The following ITCH variants were observed in gnomAD, a reference collection of about 807,000 sequenced individuals.
ITCH encodes the protein itchy E3 ubiquitin protein ligase, also known as E3 ubiquitin-protein ligase Itchy homolog.
Under a neutral mutation model 126.8 loss-of-function variants are expected in ITCH, and 28 were observed. The ratio of observed to expected loss-of-function variants is 0.22; its 90% CI spans 0.16 to 0.30. The LOEUF (loss-of-function observed/expected upper bound fraction) is 0.30. Ranked by LOEUF, ITCH falls within the 10% of genes least tolerant of loss-of-function variation. ITCH has a pLI of 1.00. For synonymous variants in ITCH, 342 were observed against 340.0 expected, an observed-to-expected ratio of 1.01 and a Z score of -0.06; for missense variants, 631 against 1,032.4, an observed-to-expected ratio of 0.61 and a Z score of 5.33.
intron 3 of ITCH, among the ~76,000 whole-genome samples, chr20:34,403,015 T>G (rs2038939824): frequency 6.6e-6 from 1 of 152,214 alleles, no homozygotes; most frequent in African/African-American, 2.4e-5. Flanking sequence ...ACTTATGTTT[T>G]TTTTTTATTC....
intron 2 of ITCH, among the ~76,000 whole-genome samples, chr20:34,384,007 G>T (rs1601768894): frequency 6.6e-6 from 1 of 151,310 alleles, no homozygotes; most frequent in Non-Finnish European, 1.5e-5. Flanking sequence ...ACTGCACCCG[G>T]CTAATTTTGT....
At chr20:34,389,435 TGTGA>T (rs1236569150) in intron 2 of ITCH, among the ~76,000 whole-genome samples, 1 of 152,146 alleles carries the variant, frequency 6.6e-6, no homozygotes, top group Non-Finnish European at 1.5e-5. Flanking sequence ...ATGCTCTCTG[TGTGA>T]GTAACAATGC....
chr20:34,376,260 T>C (rs2037841171), intron 2 of ITCH, among the ~76,000 whole-genome samples: 1 of 151,892 alleles, frequency 6.6e-6, no homozygotes, highest in East Asian at 1.9e-4. Context: ...AAACACTGTC[T>C]CTACAAAAAA....
Position 34,483,590 on chromosome 20 carries a change from A to AC in ITCH, c.2093+2386dup, listed in dbSNP as rs150599540. 7.3e-3 allele frequency among the ~76,000 whole-genome samples: 1,110 copies of AC among 152,316 alleles called. 14 individuals carry two copies. The highest frequency in any genetic ancestry group is 0.025 in the African/African-American group (1,056 of 41,564). On this transcript the variant is annotated intron_variant, in intron 20 of 24. Transcript: ENST00000374864. ...AAGTTTCTCATTTCCATCTGAGAAC[A>AC]CCTCAGCCTGGACTTTATTGTCCAT...
At chr20:34,439,005 C>T (rs753619637) in intron 8 of ITCH, among the ~76,000 whole-genome samples, 7 of 151,970 alleles carry the variant, frequency 4.6e-5, no homozygotes, top group African/African-American at 1.4e-4. Context: ...AGTTAGTAAA[C>T]GAAAACCCAA....
At chr20:34,486,269 T>C (rs3950109) in intron 20 of ITCH, among the ~76,000 whole-genome samples, 152,070 of 152,118 alleles carry the variant, frequency 1, 76,011 homozygotes, top group Middle Eastern at 1. Flanking sequence ...ATACTCCCAC[T>C]TTGGTCTCCC....
chr20:34,374,531 CA>C (rs2037760741), intron 2 of ITCH, among the ~76,000 whole-genome samples: 1 of 152,128 alleles, frequency 6.6e-6, no homozygotes, highest in Non-Finnish European at 1.5e-5. Context: ...TCATTACCAT[CA>C]ACCTTATCTT....
intron 7 of ITCH, among the ~76,000 whole-genome samples, chr20:34,424,931 C>G (rs1198824197): frequency 6.6e-6 from 1 of 152,146 alleles, no homozygotes; most frequent in African/African-American, 2.4e-5. Context: ...AGCTTTGTAC[C>G]AGCTGTTTGC....
chr20:34,461,831 A>G (rs954582213), intron 13 of ITCH, among the ~76,000 whole-genome samples: 1 of 152,208 alleles, frequency 6.6e-6, no homozygotes, highest in African/African-American at 2.4e-5. Flanking sequence ...AACTTGGTTA[A>G]CAAAATGTTT....
intron 2 of ITCH, among the ~76,000 whole-genome samples, chr20:34,385,213 GT>G (rs1378825867): frequency 0.018 from 2,488 of 138,848 alleles, 89 homozygotes; most frequent in African/African-American, 0.058. Context: ...GTGTGTGTGT[GT>G]GTGTGTGGTT....
intron 23 of ITCH, among the ~76,000 whole-genome samples, chr20:34,495,176 A>C (rs918143468): frequency 3.3e-5 from 5 of 150,432 alleles, no homozygotes; most frequent in Admixed American, 1.3e-4. Context: ...GAGGCAGGAG[A>C]ATCACTTGAA....
chr20:34,429,190 C>T (rs966838079), intron 7 of ITCH, among the ~76,000 whole-genome samples: 5 of 152,172 alleles, frequency 3.3e-5, no homozygotes, highest in South Asian at 2.1e-4. Flanking sequence ...CTGCCCACCT[C>T]GGACCTCCCA....
chr20:34,445,169 TA>T, intron 10 of ITCH, 117 bp from the exon 11 acceptor site: 1 of 1,130,838 alleles, frequency 8.8e-7, no homozygotes, highest in Non-Finnish European at 1.3e-6. Context: ...ACAAACTATT[TA>T]AAAATACATA....
intron 7 of ITCH, among the ~76,000 whole-genome samples, chr20:34,437,063 A>G (rs1233003641): frequency 6.6e-6 from 1 of 151,808 alleles, no homozygotes; most frequent in Non-Finnish European, 1.5e-5. Flanking sequence ...TGGTAGGTGA[A>G]GGTTGCAGTG....
chr20:34,462,659 C>T (rs948976000), intron 14 of ITCH, among the ~76,000 whole-genome samples: 4 of 152,248 alleles, frequency 2.6e-5, no homozygotes, highest in East Asian at 1.9e-4. Context: ...TTTATGTGTA[C>T]AGTTCAGTGG....
chr20:34,376,208 T>A (rs1288343828), intron 2 of ITCH, among the ~76,000 whole-genome samples: 1 of 151,998 alleles, frequency 6.6e-6, no homozygotes, highest in Non-Finnish European at 1.5e-5. Context: ...AGAAGAAAGT[T>A]CTTACCCACG....
chr20:34,472,321 C>T (rs1987708541), intron 16 of ITCH, among the ~76,000 whole-genome samples: 1 of 146,288 alleles, frequency 6.8e-6, no homozygotes, highest in South Asian at 2.2e-4. Context: ...GACCCGAGAT[C>T]GTGCCATTGC....
At chr20:34,368,072 C>T (rs2037484050) in intron 1 of ITCH, among the ~76,000 whole-genome samples, 1 of 152,112 alleles carries the variant, frequency 6.6e-6, no homozygotes, top group Non-Finnish European at 1.5e-5. Context: ...AGATCGAGAT[C>T]ATCCTGGCCA....
At chr20:34,431,959 G>C (rs1004506303) in intron 7 of ITCH, among the ~76,000 whole-genome samples, 1 of 149,108 alleles carries the variant, frequency 6.7e-6, no homozygotes. Context: ...CAGGAGAATT[G>C]CTTGAACCCG....
Sources: gnomAD v4.1 joint callset for allele counts (sites outside exome capture counted in the v4.1 genomes callset) on GRCh38, gnomAD v4.1.1 for gene constraint, MANE v1.5 for transcripts, NCBI Gene and HGNC (gene_info 2026-07-23, HGNC 2026-07-21) for gene names.